The following SSUH2 variants were observed in gnomAD, a reference collection of about 807,000 sequenced individuals.
The protein encoded by SSUH2 is ssu-2 homolog.
In SSUH2, 47 loss-of-function variants were observed where a neutral mutation model predicts 55.3. The observed-to-expected ratio is 0.85, with a 90% CI of 0.67 to 1.08. SSUH2 has a LOEUF of 1.08. Among genes scored for constraint, SSUH2 ranks in the 50% least tolerant of loss-of-function variants. The probability of loss-of-function intolerance (pLI) is 0.00; values close to 1 mark genes in which losing one functional copy is unlikely to be tolerated. For synonymous variants in SSUH2, 212 were observed against 191.5 expected (o/e 1.11, Z -0.89); for missense variants, 535 against 490.7 (o/e 1.09, Z -0.85).
At position 8,644,739 on chromosome 3, in the gene SSUH2, TCATTC is replaced by T; in HGVS notation, c.15_19del (p.Asn6ArgfsTer2). 6.5e-7 allele frequency: 1 copy of T among 1,536,132 alleles called. No homozygotes were observed. Among genetic ancestry groups the T allele is most frequent in the Non-Finnish European group, 8.7e-7 (1 of 1,146,884 alleles). On this transcript the variant is annotated frameshift_variant, in exon 1 of 12. Coordinates refer to ENST00000544814, the MANE Select transcript of SSUH2 (RefSeq NM_001256748.3). LOFTEE classifies it high-confidence loss of function. ...TTTGAGGCTCTACTTACTGTCATCT[TCATTC>T]AGATCCCTGTCCATGTTCCAGACGT...
chr3:8,656,863 GT>G (rs1702985099), intron 7 of SSUH2, among the ~76,000 whole-genome samples: 1 of 38,480 alleles, frequency 2.6e-5, no homozygotes, highest in South Asian at 1.4e-3. Flanking sequence ...TCATTTTTTG[GT>G]TTGTTTGTTT....
chr3:8,657,902 T>G (rs111628171), intron 7 of SSUH2, among the ~76,000 whole-genome samples: 1 of 152,206 alleles, frequency 6.6e-6, no homozygotes, highest in African/African-American at 2.4e-5. Flanking sequence ...GCTGTCCCAG[T>G]CTCTTCCCAG....
chr3:8,660,712 G>C (rs942294569), intron 6 of SSUH2, among the ~76,000 whole-genome samples: 1 of 152,022 alleles, frequency 6.6e-6, no homozygotes, highest in African/African-American at 2.4e-5. Flanking sequence ...CACAAGTTAC[G>C]TTATGCTATA....
chr3:8,679,083 A>G (rs1366097637), intron 2 of SSUH2, among the ~76,000 whole-genome samples: 1 of 105,144 alleles, frequency 9.5e-6, no homozygotes, highest in Non-Finnish European at 2.2e-5. Flanking sequence ...GCGGGGACTG[A>G]GAGCAAGCAC....
chr3:8,677,063 C>G (rs1705436454), intron 3 of SSUH2: 1 of 150,180 alleles, frequency 6.7e-6, no homozygotes, highest in African/African-American at 2.5e-5. Context: ...GACTGCGAGC[C>G]AGCCCCTCTT....
intron 11 of SSUH2, 22 bp from the exon 12 acceptor site, chr3:8,620,036 G>A: frequency 6.2e-7 from 1 of 1,612,748 alleles, no homozygotes; most frequent in Non-Finnish European, 8.5e-7. Flanking sequence ...AATAGCCAAG[G>A]AAAATGTCAG....
chr3:8,622,932 G>C (rs1488017778), intron 11 of SSUH2, among the ~76,000 whole-genome samples: 1 of 152,220 alleles, frequency 6.6e-6, no homozygotes, highest in Non-Finnish European at 1.5e-5. Flanking sequence ...TCTCAGCCCA[G>C]TCTGCAAGGT....
Position 8,644,762 on chromosome 3 carries a change from C to T in SSUH2, c.-4G>A. ...CTTCATTCAGATCCCTGTCCATGTTCCAGACGTCCTGCCAAAGAGATGTCT... is the reference window on the plus strand; with the variant it reads ...CTTCATTCAGATCCCTGTCCATGTTTCAGACGTCCTGCCAAAGAGATGTCT... On this transcript the variant is annotated 5_prime_UTR_variant, in exon 1 of 12. Coordinates refer to ENST00000544814, the MANE Select transcript of SSUH2 (RefSeq NM_001256748.3). The T allele has an allele frequency of 6.5e-7, 1 of 1,536,090 alleles. No homozygotes were observed. Among genetic ancestry groups the T allele is most frequent in the Non-Finnish European group, 8.7e-7 (1 of 1,146,872 alleles).
intron 6 of SSUH2, among the ~76,000 whole-genome samples, chr3:8,659,202 CT>C (rs150834866): frequency 2.0e-5 from 3 of 151,548 alleles, no homozygotes; most frequent in African/African-American, 4.9e-5. Flanking sequence ...TTTGTGGTTG[CT>C]TTTTTTTTAA....
At chr3:8,658,340 C>T (rs1183819491) in intron 7 of SSUH2, among the ~76,000 whole-genome samples, 1 of 152,296 alleles carries the variant, frequency 6.6e-6, no homozygotes, top group East Asian at 1.9e-4. Context: ...GAAACTCTCT[C>T]AGAGTTTCTG....
At position 8,638,385 on chromosome 3, in the gene SSUH2, G is replaced by A. The variant is rs762811421; in HGVS notation, c.29-2528C>T. 5.3e-5 allele frequency among the ~76,000 whole-genome samples: 8 copies of A among 152,098 alleles called. No homozygotes were observed. In the East Asian group the frequency reaches 1.3e-3, roughly 26 times the overall value. On this transcript the variant is annotated intron_variant, in intron 1 of 11. Transcript: ENST00000544814. ...TGCCTCTCTAAGGTCTTTTCCTCCT[G>A]GCAGAAAACCTACAAGGAAGGTAAA...
chr3:8,628,387 G>T lies in SSUH2; in HGVS notation c.589-604C>A, dbSNP rs150417002. Among the ~76,000 whole-genome samples the T allele has an allele frequency of 1.6e-4, 25 of 152,206 alleles. No individual in the cohort carries two copies. The East Asian group carries it at 4.4e-3, about 27-fold the overall frequency. On this transcript the variant is annotated intron_variant, in intron 7 of 11. Transcript: ENST00000544814. ...GCGAGAAGTTTGGTTTTACCCCCTG[G>T]GATTGTTAATAGGCCTGAATGAAGG...
At chr3:8,648,647 T>C (rs1232345349), upstream of SSUH2, among the ~76,000 whole-genome samples, 1 of 152,226 alleles carries the variant, frequency 6.6e-6, no homozygotes. Flanking sequence ...GGTCTGCTGC[T>C]GCCCTGGGCT....
intron 3 of SSUH2, among the ~76,000 whole-genome samples, chr3:8,672,302 C>A (rs986002884): frequency 2.0e-5 from 3 of 151,912 alleles, no homozygotes; most frequent in East Asian, 1.9e-4. Flanking sequence ...CTGTACACAC[C>A]CTGTGCTATT....
chr3:8,624,270 C>T (rs542962084), intron 10 of SSUH2, among the ~76,000 whole-genome samples: 1 of 152,292 alleles, frequency 6.6e-6, no homozygotes, highest in South Asian at 2.1e-4. Flanking sequence ...CACCCTCCTC[C>T]TAAGTGTCCA....
rs1432927856 is a variant in SSUH2 at position 8,635,303 on chromosome 3, T to G, written c.206A>C (p.His69Pro). 6.5e-7 allele frequency: 1 copy of G among 1,534,974 alleles called. No homozygotes were observed. Among genetic ancestry groups the G allele is most frequent in the Non-Finnish European group, 8.7e-7 (1 of 1,146,182 alleles). ...CAGAGTACAACCTGAAACTCACCTG[T>G]GTTCCAGGAACGAGGGCCAGGACCT... ...EQRSWPSFLE[H>P]RVPAMTEEVA... The change falls in exon 3 of 12, where the codon CAC becomes CCC. Residue 69 changes from histidine (H) to proline (P), a missense_variant. Physicochemically the swap from His to Pro is moderately conservative, Grantham distance 77. Transcript: ENST00000544814.
intron 10 of SSUH2, 34 bp downstream of exon 10, chr3:8,625,508 G>C (rs1242876874): frequency 7.2e-7 from 1 of 1,397,850 alleles, no homozygotes. Flanking sequence ...GAGGAACCCA[G>C]CTTCCTTTGT....
chr3:8,643,078 A>G (rs164956), intron 1 of SSUH2, among the ~76,000 whole-genome samples: 65,257 of 151,978 alleles, frequency 0.43, 15,259 homozygotes, highest in African/African-American at 0.62. Flanking sequence ...AACTTCACAG[A>G]AGATAATATT....
chr3:8,655,796 CAGA>C (rs1255791700), intron 7 of SSUH2, among the ~76,000 whole-genome samples: 1 of 152,104 alleles, frequency 6.6e-6, no homozygotes, highest in Non-Finnish European at 1.5e-5. Context: ...CTGTTTTTGT[CAGA>C]AGAATGATTG....
Sources: allele counts gnomAD v4.1 joint callset (sites outside exome capture counted in the v4.1 genomes callset), GRCh38; gene constraint gnomAD v4.1.1; transcripts MANE v1.5; gene names NCBI Gene and HGNC (gene_info 2026-07-23, HGNC 2026-07-21).